The following CNTN5 variants were observed in gnomAD, a reference collection of about 807,000 sequenced individuals.
CNTN5 encodes the protein contactin-5.
A neutral mutation model predicts 129.1 loss-of-function variants in CNTN5; 77 were observed. The ratio of observed to expected loss-of-function variants is 0.60; its 90% CI spans 0.50 to 0.72. The LOEUF (loss-of-function observed/expected upper bound fraction) is 0.72. Among genes scored for constraint, CNTN5 ranks in the 30% least tolerant of loss-of-function variants. The pLI is 0.00. For synonymous variants in CNTN5, 509 were observed against 465.6 expected, an observed-to-expected ratio of 1.09 and a Z score of -1.20; for missense variants, 1,478 against 1,328.8, an observed-to-expected ratio of 1.11 and a Z score of -1.75.
chr11:99,946,545 A>T (rs528299469), intron 7 of CNTN5, among the ~76,000 whole-genome samples: 1 of 152,264 alleles, frequency 6.6e-6, no homozygotes, highest in South Asian at 2.1e-4. Context: ...ACCAAGGGAA[A>T]GCCAGTTTAG....
At chr11:100,044,795 T>A (rs1942581152) in intron 9 of CNTN5, among the ~76,000 whole-genome samples, 1 of 152,148 alleles carries the variant, frequency 6.6e-6, no homozygotes, top group African/African-American at 2.4e-5. Context: ...TTCACGCTGT[T>A]GATTATTTCA....
intron 3 of CNTN5, among the ~76,000 whole-genome samples, chr11:99,701,519 A>G (rs1565440960): frequency 6.6e-6 from 1 of 151,064 alleles, no homozygotes; most frequent in African/African-American, 2.4e-5. Context: ...ATTTAATGGA[A>G]CAAAATAAAA....
chr11:99,468,128 G>T (rs1433643296), intron 2 of CNTN5, among the ~76,000 whole-genome samples: 1 of 152,190 alleles, frequency 6.6e-6, no homozygotes, highest in Non-Finnish European at 1.5e-5. Context: ...AAAGAAGAGA[G>T]TGAATTGTCT....
At chr11:100,336,832 T>A (rs1952047281) in intron 21 of CNTN5, 1 of 436,832 alleles carries the variant, frequency 2.3e-6, no homozygotes. Flanking sequence ...CTTCCCGGCC[T>A]CTTCCCCAGA....
At chr11:99,991,595 A>C (rs1367431996) in intron 8 of CNTN5, among the ~76,000 whole-genome samples, 1 of 152,226 alleles carries the variant, frequency 6.6e-6, no homozygotes, top group Non-Finnish European at 1.5e-5. Flanking sequence ...CAAGATGCTA[A>C]ATCCCAGATA....
At chr11:99,110,610 TCA>T (rs1857745384) in intron 1 of CNTN5, among the ~76,000 whole-genome samples, 1 of 152,120 alleles carries the variant, frequency 6.6e-6, no homozygotes, top group African/African-American at 2.4e-5. Flanking sequence ...CAGCACATGT[TCA>T]CACGGGAAAA....
chr11:99,353,976 A>G (rs1938471761), intron 2 of CNTN5, among the ~76,000 whole-genome samples: 1 of 152,172 alleles, frequency 6.6e-6, no homozygotes, highest in South Asian at 2.1e-4. Context: ...GTTTGGCCAG[A>G]TTGGCATGAT....
At chr11:99,138,534 C>T (rs1459861778) in intron 1 of CNTN5, among the ~76,000 whole-genome samples, 4 of 152,116 alleles carry the variant, frequency 2.6e-5, no homozygotes, top group African/African-American at 9.7e-5. Flanking sequence ...TGTTGCGATG[C>T]ATTATAGGAT....
chr11:100,182,531 A>G (rs1041878803), intron 13 of CNTN5, among the ~76,000 whole-genome samples: 16 of 152,104 alleles, frequency 1.1e-4, no homozygotes, highest in African/African-American at 3.9e-4. Flanking sequence ...TGAGGCAGAC[A>G]TAAACATCCA....
intron 3 of CNTN5, among the ~76,000 whole-genome samples, chr11:99,738,744 G>A (rs563592877): frequency 6.6e-6 from 1 of 151,872 alleles, no homozygotes; most frequent in South Asian, 2.1e-4. Context: ...ACAGGACCTG[G>A]GGCTTGAAAT....
chr11:99,033,546 C>A (rs942247322), intron 1 of CNTN5, among the ~76,000 whole-genome samples: 4 of 152,066 alleles, frequency 2.6e-5, no homozygotes, highest in African/African-American at 9.7e-5. Flanking sequence ...AATGGGAGTT[C>A]ACTCATGAAT....
chr11:99,917,897 A>G (rs563991935), intron 7 of CNTN5, among the ~76,000 whole-genome samples: 1 of 152,272 alleles, frequency 6.6e-6, no homozygotes, highest in East Asian at 1.9e-4. Context: ...TGAGATCAAT[A>G]TATGTAAATT....
At chr11:99,034,580 A>T (rs1314973583) in intron 1 of CNTN5, among the ~76,000 whole-genome samples, 1 of 151,256 alleles carries the variant, frequency 6.6e-6, no homozygotes, top group African/African-American at 2.4e-5. Context: ...GTATTCTCTG[A>T]TGGTAGTTTG....
intron 1 of CNTN5, among the ~76,000 whole-genome samples, chr11:99,218,963 A>G (rs186491865): frequency 6.6e-6 from 1 of 152,192 alleles, no homozygotes; most frequent in Non-Finnish European, 1.5e-5. Flanking sequence ...AATCAGTACA[A>G]AAAGATAGAA....
chr11:99,185,234 G>A (rs1368242968), intron 1 of CNTN5, among the ~76,000 whole-genome samples: 1 of 151,534 alleles, frequency 6.6e-6, no homozygotes, highest in East Asian at 1.9e-4. Flanking sequence ...GAAGAGATGA[G>A]GTGCCATGAG....
At chr11:99,384,894 CAA>C (rs902136603) in intron 2 of CNTN5, among the ~76,000 whole-genome samples, 4 of 152,038 alleles carry the variant, frequency 2.6e-5, no homozygotes, top group Non-Finnish European at 5.9e-5. Context: ...TGAGAAAATT[CAA>C]AGTCTACCCC....
At chr11:99,112,463 A>G (rs1591210286) in intron 1 of CNTN5, among the ~76,000 whole-genome samples, 2 of 152,192 alleles carry the variant, frequency 1.3e-5, no homozygotes, top group East Asian at 3.9e-4. Flanking sequence ...ATTTATTAAA[A>G]CAAAAATAAT....
intron 1 of CNTN5, among the ~76,000 whole-genome samples, chr11:99,277,841 T>C (rs980265891): frequency 6.6e-6 from 1 of 151,696 alleles, no homozygotes; most frequent in African/African-American, 2.4e-5. Context: ...AGTTGACTAG[T>C]GTCTTCTACA....
At chr11:99,309,019 T>C (rs568448365) in intron 1 of CNTN5, among the ~76,000 whole-genome samples, 21 of 152,270 alleles carry the variant, frequency 1.4e-4, no homozygotes, top group African/African-American at 5.1e-4. Flanking sequence ...TCTGTAAAAA[T>C]ATTTCATCAT....
Sources: gnomAD v4.1 joint callset for allele counts (sites outside exome capture counted in the v4.1 genomes callset) on GRCh38, gnomAD v4.1.1 for gene constraint, MANE v1.5 for transcripts, NCBI Gene and HGNC (gene_info 2026-07-23, HGNC 2026-07-21) for gene names.